The following CNTNAP2 variants were observed in gnomAD, a reference collection of about 807,000 sequenced individuals.
The protein encoded by CNTNAP2 is contactin associated protein 2.
A neutral mutation model predicts 155.2 loss-of-function variants in CNTNAP2; 98 were observed. The ratio of observed to expected loss-of-function variants is 0.63; its 90% CI spans 0.54 to 0.75. The LOEUF (loss-of-function observed/expected upper bound fraction) is 0.75. Among genes scored for constraint, CNTNAP2 ranks in the 30% least tolerant of loss-of-function variants. The pLI is 0.00. For missense variants in CNTNAP2, 1,727 were observed against 1,688.1 expected (o/e 1.02, Z -0.40); for synonymous variants, 651 against 631.2 (o/e 1.03, Z -0.47).
chr7:147,880,854 G>GGGGTGTGT (rs1419812608), intron 13 of CNTNAP2, among the ~76,000 whole-genome samples: 1 of 143,088 alleles, frequency 7.0e-6, no homozygotes, highest in African/African-American at 2.6e-5. Flanking sequence ...ATTGGAGTTG[G>GGGGTGTGT]GTGTGTGTGT....
At position 147,926,690 on chromosome 7, in the gene CNTNAP2, G is replaced by A. The variant is rs190602819; in HGVS notation, c.2255+22969G>A. On this transcript the variant is annotated intron_variant, in intron 14 of 23. Transcript: ENST00000361727. ...GAACCAAAGTTTATCTTATAAACAC[G>A]TAAGATAAATGTCAAACGGGAAAGT... Among the ~76,000 whole-genome samples the A allele has an allele frequency of 3.5e-3, 530 of 152,138 alleles. 21 individuals carry two copies. The highest frequency in any genetic ancestry group is 0.029 in the Admixed American group (443 of 15,284).
intron 11 of CNTNAP2, among the ~76,000 whole-genome samples, chr7:147,510,850 C>CATATAT (rs61069153): frequency 0.015 from 1,134 of 76,400 alleles, 165 homozygotes; most frequent in African/African-American, 0.067. Flanking sequence ...GGCCTACAAC[C>CATATAT]ATATATATAT....
At chr7:147,599,161 T>C (rs78588070) in intron 12 of CNTNAP2, among the ~76,000 whole-genome samples, 2,081 of 152,064 alleles carry the variant, frequency 0.014, 51 homozygotes, top group African/African-American at 0.048. Context: ...TTCCATGGTG[T>C]GTAAAGTTGA....
intron 1 of CNTNAP2, among the ~76,000 whole-genome samples, chr7:146,497,359 G>T (rs757820012): frequency 3.3e-5 from 5 of 152,044 alleles, no homozygotes; most frequent in Non-Finnish European, 5.9e-5. Context: ...TTTTTATCAA[G>T]AATTGAAGGT....
chr7:147,590,715 A>G (rs1461313875), intron 12 of CNTNAP2, among the ~76,000 whole-genome samples: 5 of 152,242 alleles, frequency 3.3e-5, no homozygotes, highest in Non-Finnish European at 7.3e-5. Context: ...AGACAAATGT[A>G]TATATTCTAA....
chr7:146,846,319 A>G (rs2727626), intron 3 of CNTNAP2, among the ~76,000 whole-genome samples: 30,990 of 132,042 alleles, frequency 0.23, 3,974 homozygotes, highest in South Asian at 0.45. Context: ...GAGAAATAAA[A>G]CACATCAGAA....
intron 10 of CNTNAP2, among the ~76,000 whole-genome samples, chr7:147,434,896 G>A (rs1797526365): frequency 6.6e-6 from 1 of 152,196 alleles, no homozygotes; most frequent in Non-Finnish European, 1.5e-5. Context: ...CTTGGCCTCT[G>A]TTTCAACTCT....
intron 8 of CNTNAP2, among the ~76,000 whole-genome samples, chr7:147,194,403 T>C (rs2116531880): frequency 6.6e-6 from 1 of 152,308 alleles, no homozygotes; most frequent in Non-Finnish European, 1.5e-5. Context: ...CGTGGGCATG[T>C]GTCTTTATAG....
At chr7:147,650,298 A>G (rs1172135383) in intron 13 of CNTNAP2, among the ~76,000 whole-genome samples, 1 of 152,228 alleles carries the variant, frequency 6.6e-6, no homozygotes, top group East Asian at 1.9e-4. Flanking sequence ...CATTCTGCAA[A>G]CATTTATTGA....
chr7:147,647,132 C>T (rs1214379049), intron 13 of CNTNAP2, among the ~76,000 whole-genome samples: 3 of 151,526 alleles, frequency 2.0e-5, no homozygotes, highest in East Asian at 1.9e-4. Flanking sequence ...GGACTACAGG[C>T]GCATGCTGCC....
chr7:147,638,559 A>T (rs763741826), intron 12 of CNTNAP2, among the ~76,000 whole-genome samples: 1 of 152,210 alleles, frequency 6.6e-6, no homozygotes, highest in Non-Finnish European at 1.5e-5. Context: ...GCTTTATTCC[A>T]CATGTACAGA....
intron 1 of CNTNAP2, among the ~76,000 whole-genome samples, chr7:146,529,244 TG>T (rs1388913325): frequency 6.6e-6 from 1 of 152,168 alleles, no homozygotes; most frequent in East Asian, 1.9e-4. Flanking sequence ...TCAATTTTTT[TG>T]TATGTTAACA....
At chr7:146,444,140 C>A (rs73460770) in intron 1 of CNTNAP2, among the ~76,000 whole-genome samples, 1 of 152,090 alleles carries the variant, frequency 6.6e-6, no homozygotes, top group African/African-American at 2.4e-5. Context: ...TCAAGCAATT[C>A]TTCTGTCTCA....
At chr7:148,122,793 G>A (rs904639109) in intron 16 of CNTNAP2, among the ~76,000 whole-genome samples, 3 of 149,208 alleles carry the variant, frequency 2.0e-5, no homozygotes, top group African/African-American at 7.5e-5. Context: ...ATCCTTCAAT[G>A]AGCCGAGATC....
Position 147,883,004 on chromosome 7 carries a change from G to A in CNTNAP2, c.2099-20561G>A, listed in dbSNP as rs532704111. Among the ~76,000 whole-genome samples, 10 of 152,198 alleles carry A rather than the reference G, an allele frequency of 6.6e-5. No homozygotes were observed. In the East Asian group the frequency reaches 9.7e-4, roughly 15 times the overall value. ...TACAATTTTTAAATTTCTCACTTCCGTAAAATTGTCTTTCCTTGGGTCATG... is the reference window on the plus strand; with the variant it reads ...TACAATTTTTAAATTTCTCACTTCCATAAAATTGTCTTTCCTTGGGTCATG... On this transcript the variant is annotated intron_variant, in intron 13 of 23. Coordinates refer to ENST00000361727, the MANE Select transcript of CNTNAP2 (RefSeq NM_014141.6).
chr7:147,046,902 G>C (rs777562343), intron 4 of CNTNAP2, among the ~76,000 whole-genome samples: 9 of 150,700 alleles, frequency 6.0e-5, no homozygotes, highest in Non-Finnish European at 1.2e-4. Flanking sequence ...CATTGTGGCG[G>C]GCGCCTGTAG....
chr7:146,408,815 G>T (rs1012837455), intron 1 of CNTNAP2, among the ~76,000 whole-genome samples: 1 of 151,222 alleles, frequency 6.6e-6, no homozygotes, highest in Non-Finnish European at 1.5e-5. Context: ...AAGCATGGAA[G>T]CATCTATGTA....
At chr7:146,293,487 A>G (rs1291413159) in intron 1 of CNTNAP2, among the ~76,000 whole-genome samples, 3 of 152,206 alleles carry the variant, frequency 2.0e-5, no homozygotes, top group East Asian at 1.9e-4. Context: ...AAACCTGTTT[A>G]TAATGAAGGA....
chr7:147,617,492 C>T (rs951935852), intron 12 of CNTNAP2, among the ~76,000 whole-genome samples: 4 of 152,214 alleles, frequency 2.6e-5, no homozygotes, highest in African/African-American at 9.6e-5. Context: ...ATAGGCTATA[C>T]ATTGTTGCCA....
Sources: allele counts gnomAD v4.1 joint callset (sites outside exome capture counted in the v4.1 genomes callset), GRCh38; gene constraint gnomAD v4.1.1; transcripts MANE v1.5; gene names NCBI Gene and HGNC (gene_info 2026-07-23, HGNC 2026-07-21).